The following ZNF347 variants were observed in gnomAD, a reference collection of about 807,000 sequenced individuals.
ZNF347 encodes CTD-2620I22.7.
Under a neutral mutation model 12.9 loss-of-function variants are expected in ZNF347, and 19 were observed. The observed-to-expected ratio is 1.47, with a 90% CI of 1.03 to 2.16. The LOEUF (loss-of-function observed/expected upper bound fraction) is 2.16. ZNF347 is among the 30% of genes most tolerant of loss of function. The pLI, the probability that ZNF347 is intolerant of heterozygous loss-of-function variation, is 0.00. For synonymous variants in ZNF347, 328 were observed against 340.6 expected, an observed-to-expected ratio of 0.96 and a Z score of 0.41; for missense variants, 1,005 against 990.6, an observed-to-expected ratio of 1.01 and a Z score of -0.19.
chr19:53,157,164 C>T (rs1307330626), intron 1 of ZNF347, among the ~76,000 whole-genome samples: 1 of 152,172 alleles, frequency 6.6e-6, no homozygotes, highest in Non-Finnish European at 1.5e-5. Context: ...TACCCTAATA[C>T]TAATAATTGT....
chr19:53,153,716 T>C lies in ZNF347; in HGVS notation c.15+17A>G. The C allele has an allele frequency of 3.1e-6, 5 of 1,613,162 alleles. No homozygotes were observed. Among genetic ancestry groups the C allele is most frequent in the Non-Finnish European group, 4.2e-6 (5 of 1,179,084 alleles). Reference sequence around the variant, plus strand: ...AGAAATAAGAGACAGAACAATCCACTGATAATATTACCTTACCTGGGTGAG... The same window carrying C: ...AGAAATAAGAGACAGAACAATCCACCGATAATATTACCTTACCTGGGTGAG... On this transcript the variant is annotated intron_variant, in intron 2 of 4. Coordinates refer to ENST00000334197, the MANE Select transcript of ZNF347 (RefSeq NM_032584.3).
intron 2 of ZNF347, among the ~76,000 whole-genome samples, chr19:53,151,408 G>A (rs1389058199): frequency 6.6e-6 from 1 of 151,740 alleles, no homozygotes; most frequent in Non-Finnish European, 1.5e-5. Context: ...CATGGTGGCG[G>A]GCACCTGTAG....
rs772256700 is a variant in ZNF347 at position 53,140,646 on chromosome 19, G to A, written c.2182C>T (p.Gln728Ter). The A allele has an allele frequency of 6.8e-6, 11 of 1,613,650 alleles. No homozygotes were observed. In the African/African-American group the frequency reaches 9.4e-5, roughly 14 times the overall value. The change falls in exon 5 of 5, where the codon CAG becomes TAG. Residue 728 changes from glutamine (Q) to a stop codon, truncating the protein, a stop_gained. Transcript: ENST00000334197. LOFTEE classifies it low-confidence loss of function (END_TRUNC). ...FSVRSSLTTH[Q>*]AIHTGKKPYK... ...GGTTTTTTTCCAGTATGGATTGCCTGATGGGTAGTTAGGCTTGAACGGACA... is the reference window on the plus strand; with the variant it reads ...GGTTTTTTTCCAGTATGGATTGCCTAATGGGTAGTTAGGCTTGAACGGACA...
At chr19:53,156,978 G>A (rs2146818489) in intron 1 of ZNF347, among the ~76,000 whole-genome samples, 1 of 152,248 alleles carries the variant, frequency 6.6e-6, no homozygotes, top group Middle Eastern at 3.4e-3. Flanking sequence ...TGTAGAATGT[G>A]CCCTGTTGTA....
In ZNF347 at chr19:53,148,802, A is replaced by G. The variant is rs1341338314; in HGVS notation, c.150T>C (p.Ser50=). The G allele has an allele frequency of 2.5e-6, 4 of 1,613,302 alleles. No homozygotes were observed. The highest frequency in any genetic ancestry group is 1.7e-5 in the Admixed American group (1 of 59,860). ...TAGAGATAATACTGAGGTCAAAACA[A>G]GAGATTCCTGCTTATGAAAAGAAAG... The part of the protein sequence containing the change: ...NYRNLASLGI[S]CFDLSIISML... The change falls in exon 4 of 5, where the codon TCT becomes TCC. Residue 50 remains serine (S), a synonymous_variant. Coordinates refer to ENST00000334197, the MANE Select transcript of ZNF347 (RefSeq NM_032584.3).
intron 4 of ZNF347, among the ~76,000 whole-genome samples, chr19:53,143,219 A>G (rs2090441233): frequency 6.6e-6 from 1 of 152,000 alleles, no homozygotes; most frequent in Non-Finnish European, 1.5e-5. Context: ...GGATGTTTTT[A>G]TATTTATTTA....
chr19:53,155,168 C>A (rs539711075), intron 1 of ZNF347, among the ~76,000 whole-genome samples: 18 of 151,456 alleles, frequency 1.2e-4, no homozygotes, highest in African/African-American at 3.9e-4. Context: ...GAACTCCTGA[C>A]CTCAAGGGAT....
chr19:53,148,625 A>C (rs2090477550), intron 4 of ZNF347, 56 bp downstream of exon 4: 1 of 1,547,428 alleles, frequency 6.5e-7, no homozygotes, highest in Non-Finnish European at 8.8e-7. Context: ...ATTTGCATAG[A>C]GTTTCCCAAA....
At chr19:53,156,483 A>C (rs1253062828) in intron 1 of ZNF347, among the ~76,000 whole-genome samples, 3 of 152,030 alleles carry the variant, frequency 2.0e-5, no homozygotes, top group Non-Finnish European at 4.4e-5. Context: ...CTTCAGACAC[A>C]GTATGCCAGT....
At chr19:53,145,684 T>G (rs1335561566) in intron 4 of ZNF347, among the ~76,000 whole-genome samples, 1 of 151,648 alleles carries the variant, frequency 6.6e-6, no homozygotes, top group Non-Finnish European at 1.5e-5. Flanking sequence ...TGAGCCACCA[T>G]GCCTGGCTAA....
In ZNF347 at chr19:53,150,066, A is replaced by C. The variant is rs2090487869; in HGVS notation, c.16-699T>G. 2.0e-5 allele frequency among the ~76,000 whole-genome samples: 3 copies of C among 152,246 alleles called. No homozygotes were observed. In the South Asian group the frequency reaches 6.2e-4, roughly 32 times the overall value. ...TCTAGCAAATTAATCAAACCTGAGG[A>C]GGGGGTCATGGGAATTCATGATGTA... On this transcript the variant is annotated intron_variant, in intron 2 of 4. Transcript: ENST00000334197.
In ZNF347 at chr19:53,151,872, A is replaced by G. The variant is rs147520342; in HGVS notation, c.15+1861T>C. On this transcript the variant is annotated intron_variant, in intron 2 of 4. Transcript: ENST00000334197. ...CACTTCGGGAGGCCGAGGAGGGCGGATCACGAGGTCAGGAGTTCGAGACCA... is the reference window on the plus strand; with the variant it reads ...CACTTCGGGAGGCCGAGGAGGGCGGGTCACGAGGTCAGGAGTTCGAGACCA... Among the ~76,000 whole-genome samples the G allele has an allele frequency of 3.0e-3, 459 of 152,266 alleles. 4 individuals are homozygous for G. The highest frequency in any genetic ancestry group is 0.01 in the African/African-American group (422 of 41,558).
rs144629533 is a variant in ZNF347, at chr19:53,140,049, C to T, written c.*259G>A. 1.2e-3 allele frequency: 411 copies of T among 347,744 alleles called. 1 individual carries two copies. The highest frequency in any genetic ancestry group is 1.6e-3 in the Non-Finnish European group (312 of 193,218). 21.5% of individuals were successfully genotyped at this position (347,744 alleles called of 1,614,324 possible). A position where few individuals can be genotyped will look rare whatever the true frequency, so the allele number is the denominator to read the frequency against. ...CTATATAGCTGGGATTACAGGCGCACGCCACCAGGCCTAGCTAATTGTGTA... is the reference window on the plus strand; with the variant it reads ...CTATATAGCTGGGATTACAGGCGCATGCCACCAGGCCTAGCTAATTGTGTA... On this transcript the variant is annotated 3_prime_UTR_variant, in exon 5 of 5. Transcript: ENST00000334197.
At chr19:53,152,401 G>T (rs1172397270) in intron 2 of ZNF347, among the ~76,000 whole-genome samples, 1 of 151,222 alleles carries the variant, frequency 6.6e-6, no homozygotes, top group South Asian at 2.1e-4. Flanking sequence ...CAGGTCAAAA[G>T]TTTGGGACCA....
chr19:53,148,366 A>G (rs2090475896), intron 4 of ZNF347, among the ~76,000 whole-genome samples: 1 of 152,186 alleles, frequency 6.6e-6, no homozygotes, highest in South Asian at 2.1e-4. Flanking sequence ...GGAAACACCA[A>G]AGGAGATGAA....
intron 3 of ZNF347, 25 bp downstream of exon 3, chr19:53,149,216 A>T: frequency 6.2e-7 from 1 of 1,610,136 alleles, no homozygotes; most frequent in Non-Finnish European, 8.5e-7. Context: ...GCAGATCCTG[A>T]CTTCTGGAAG....
rs1327962811 is a variant in ZNF347, at chr19:53,137,746, T to C, written c.*2562A>G. On this transcript the variant is annotated 3_prime_UTR_variant, in exon 5 of 5. Transcript: ENST00000334197. ...ACTCATGAATATTAGTCTTGTCAAA[T>C]TATGTGAGCATAGCATTCTTAGTGT... is the stretch of plus-strand genomic sequence containing the variant. 1 of 152,218 alleles carries C rather than the reference T, an allele frequency of 6.6e-6. No individual in the cohort carries two copies. The highest frequency in any genetic ancestry group is 1.5e-5 in the Non-Finnish European group (1 of 68,036). 9.4% of individuals were successfully genotyped at this position (152,218 alleles called of 1,614,324 possible).
chr19:53,156,063 A>G (rs1446045946), intron 1 of ZNF347, among the ~76,000 whole-genome samples: 276 of 39,216 alleles, frequency 7.0e-3, no homozygotes, highest in African/African-American at 8.1e-3. Context: ...GGGGGGGGTT[A>G]GGCGGGGGTC....
rs577975227 is a variant in ZNF347, at chr19:53,151,304, G to A, written c.16-1937C>T. On this transcript the variant is annotated intron_variant, in intron 2 of 4. Coordinates refer to ENST00000334197, the MANE Select transcript of ZNF347 (RefSeq NM_032584.3). The stretch of plus-strand genomic sequence containing the variant: ...TAATCCCAGCACTTTGGAAGGTCGA[G>A]GCAGGCAGATCACGAGGTCAGGAGA... 3.3e-5 allele frequency among the ~76,000 whole-genome samples: 5 copies of A among 152,176 alleles called. No individual in the cohort carries two copies. In the South Asian group the frequency reaches 1.0e-3, roughly 32 times the overall value.
Sources: gnomAD v4.1 joint callset for allele counts (sites outside exome capture counted in the v4.1 genomes callset) on GRCh38, gnomAD v4.1.1 for gene constraint, MANE v1.5 for transcripts, NCBI Gene and HGNC (gene_info 2026-07-23, HGNC 2026-07-21) for gene names.